Variants in CACNB4 observed in about 807,000 individuals in gnomAD.
CACNB4 encodes voltage-dependent L-type calcium channel subunit beta-4.
Under a neutral mutation model 71.2 loss-of-function variants are expected in CACNB4, and 32 were observed. The ratio of observed to expected loss-of-function variants is 0.45; its 90% CI spans 0.34 to 0.60. CACNB4 has a LOEUF of 0.60. CACNB4 is among the 20% of genes least tolerant of loss of function. CACNB4 has a pLI of 0.01. For synonymous variants in CACNB4, 231 were observed against 236.9 expected (o/e 0.97, Z 0.23); for missense variants, 464 against 647.9 (o/e 0.72, Z 3.08).
At chr2:152,035,630 C>CCCCTCT (rs1684533042) in intron 2 of CACNB4, among the ~76,000 whole-genome samples, 2 of 93,290 alleles carry the variant, frequency 2.1e-5, no homozygotes, top group Non-Finnish European at 4.0e-5. Context: ...CCTCCCTCTC[C>CCCCTCT]CTCTCTCTCT....
intron 12 of CACNB4, among the ~76,000 whole-genome samples, chr2:151,843,598 G>A (rs2099836792): frequency 6.6e-6 from 1 of 152,154 alleles, no homozygotes; most frequent in African/African-American, 2.4e-5. Context: ...TTACAGACGT[G>A]AGTCACCACA....
chr2:151,930,607 A>G (rs923623990), intron 2 of CACNB4, among the ~76,000 whole-genome samples: 1 of 152,184 alleles, frequency 6.6e-6, no homozygotes, highest in Non-Finnish European at 1.5e-5. Context: ...TGAAACAAAT[A>G]TTATGACACA....
At chr2:151,883,898 T>C (rs1422659050) in intron 2 of CACNB4, 2 of 199,500 alleles carry the variant, frequency 1.0e-5, no homozygotes, top group African/African-American at 4.8e-5. Context: ...CTTCAATCAT[T>C]GTCCTGCAGC....
chr2:151,887,038 A>G (rs2099849531), intron 2 of CACNB4, among the ~76,000 whole-genome samples: 1 of 152,170 alleles, frequency 6.6e-6, no homozygotes, highest in Non-Finnish European at 1.5e-5. Flanking sequence ...CAGGTTGGAG[A>G]GGCGTCACCC....
intron 2 of CACNB4, among the ~76,000 whole-genome samples, chr2:152,043,303 C>A (rs1334742346): frequency 6.6e-6 from 1 of 152,160 alleles, no homozygotes; most frequent in Non-Finnish European, 1.5e-5. Context: ...GATCCAAGAA[C>A]GTTCTCTTGG....
At chr2:152,083,968 C>G (rs1043986455) in intron 2 of CACNB4, among the ~76,000 whole-genome samples, 4 of 152,170 alleles carry the variant, frequency 2.6e-5, no homozygotes, top group South Asian at 2.1e-4. Context: ...ACTCCCTGCT[C>G]CACCTCCACC....
intron 2 of CACNB4, among the ~76,000 whole-genome samples, chr2:152,051,184 C>T (rs766486803): frequency 2.0e-5 from 3 of 152,120 alleles, no homozygotes; most frequent in Non-Finnish European, 4.4e-5. Flanking sequence ...CAGGGAGGTC[C>T]TTTTCCTTGA....
intron 2 of CACNB4, among the ~76,000 whole-genome samples, chr2:151,939,963 T>C (rs2099863830): frequency 6.6e-6 from 1 of 152,192 alleles, no homozygotes; most frequent in Non-Finnish European, 1.5e-5. Context: ...GTATATAAAA[T>C]TTTATATCCA....
chr2:151,963,779 A>C (rs1052979012), intron 2 of CACNB4, among the ~76,000 whole-genome samples: 1 of 152,158 alleles, frequency 6.6e-6, no homozygotes, highest in Non-Finnish European at 1.5e-5. Flanking sequence ...CATGTAAAAG[A>C]ATGTTGGGCC....
intron 12 of CACNB4, among the ~76,000 whole-genome samples, chr2:151,846,015 G>A (rs1180820111): frequency 1.3e-5 from 2 of 152,134 alleles, no homozygotes; most frequent in African/African-American, 4.8e-5. Context: ...GAAAGAAAGG[G>A]GAAGAAAGAC....
At chr2:151,919,871 A>C (rs2099858479) in intron 2 of CACNB4, among the ~76,000 whole-genome samples, 1 of 148,672 alleles carries the variant, frequency 6.7e-6, no homozygotes, top group African/African-American at 2.5e-5. Flanking sequence ...ACAACAACAA[A>C]ACCTGAATTA....
chr2:152,051,485 G>A (rs1579203673), intron 2 of CACNB4, among the ~76,000 whole-genome samples: 3 of 152,122 alleles, frequency 2.0e-5, no homozygotes, highest in East Asian at 1.9e-4. Flanking sequence ...GAGATGGAGC[G>A]CTCAGGAGGT....
At position 152,098,273 on chromosome 2, in the gene CACNB4, C is replaced by A. The variant is rs970647477; in HGVS notation, c.147+57G>T. The A allele has an allele frequency of 3.5e-6, 5 of 1,414,994 alleles. No homozygotes were observed. Among genetic ancestry groups the A allele is most frequent in the Non-Finnish European group, 5.0e-6 (5 of 1,000,508 alleles). 87.7% of individuals were successfully genotyped at this position (1,414,994 alleles called of 1,614,324 possible). On this transcript the variant is annotated intron_variant, in intron 2 of 13. Transcript: ENST00000539935. This position sits in a 1 kb window ranked among gnomAD's most constrained non-coding sequence, Gnocchi z 5.3. Reference sequence around the variant, plus strand: ...TGTGGGCCACGGCCGGCTCCAGGACCCCCGCGCCGCGCGCTCGGCCTCCTC... The same window carrying A: ...TGTGGGCCACGGCCGGCTCCAGGACACCCGCGCCGCGCGCTCGGCCTCCTC...
intron 2 of CACNB4, among the ~76,000 whole-genome samples, chr2:151,942,798 T>C (rs572116805): frequency 6.6e-6 from 1 of 152,298 alleles, no homozygotes; most frequent in Admixed American, 6.5e-5. Flanking sequence ...TCAGGCTTAA[T>C]AGGGTTGGGA....
At chr2:151,957,084 T>C (rs1332973406) in intron 2 of CACNB4, among the ~76,000 whole-genome samples, 1 of 152,074 alleles carries the variant, frequency 6.6e-6, no homozygotes, top group African/African-American at 2.4e-5. Context: ...ACCTGGGAAA[T>C]GGAGGTTGCA....
intron 2 of CACNB4, among the ~76,000 whole-genome samples, chr2:152,094,754 T>C (rs1688176083): frequency 1.3e-5 from 2 of 152,192 alleles, no homozygotes; most frequent in Non-Finnish European, 2.9e-5. Flanking sequence ...ATATCTAACA[T>C]AGTGCTAGGC....
intron 2 of CACNB4, among the ~76,000 whole-genome samples, chr2:152,024,096 G>C (rs578095491): frequency 5.3e-5 from 8 of 152,304 alleles, no homozygotes; most frequent in South Asian, 4.1e-4. Context: ...GAAGGAGGAG[G>C]ATTGCTTGAG....
rs147422385 is a variant in CACNB4, at chr2:151,849,616, G to A, written c.1116+3832C>T. ...ATAAACAGAATGCTGTGGAAATGAT[G>A]TGGTCTGGTATCTATGCCCAGGCTG... is the stretch of plus-strand genomic sequence containing the variant. On this transcript the variant is annotated intron_variant, in intron 12 of 13. Coordinates refer to ENST00000539935, the MANE Select transcript of CACNB4 (RefSeq NM_000726.5). 1.7e-4 allele frequency among the ~76,000 whole-genome samples: 26 copies of A among 152,212 alleles called. No individual in the cohort carries two copies. In the East Asian group the frequency reaches 4.4e-3, roughly 26 times the overall value.
intron 2 of CACNB4, among the ~76,000 whole-genome samples, chr2:151,907,983 G>C (rs1351900081): frequency 6.6e-6 from 1 of 152,158 alleles, no homozygotes; most frequent in African/African-American, 2.4e-5. Flanking sequence ...GGTCACAGGA[G>C]GATTGAAAGT....
Sources: allele counts gnomAD v4.1 joint callset (sites outside exome capture counted in the v4.1 genomes callset), GRCh38; gene constraint gnomAD v4.1.1; non-coding constraint Gnocchi (gnomAD v3.1); transcripts MANE v1.5; gene names NCBI Gene and HGNC (gene_info 2026-07-23, HGNC 2026-07-21).